CYFIP1: variants seen among roughly 807,000 people sequenced by gnomAD.
CYFIP1 encodes cytoplasmic FMR1-interacting protein 1.
In CYFIP1, 58 loss-of-function variants were observed where a neutral mutation model predicts 163.5. The observed-to-expected ratio is 0.35, with a 90% CI of 0.29 to 0.44. The LOEUF is 0.44. CYFIP1 is among the 20% of genes least tolerant of loss of function. The probability of loss-of-function intolerance (pLI) is 1.00; values close to 1 mark genes in which losing one functional copy is unlikely to be tolerated. For synonymous variants in CYFIP1, 663 were observed against 660.7 expected, an observed-to-expected ratio of 1.00 and a Z score of -0.05; for missense variants, 1,338 against 1,653.8, an observed-to-expected ratio of 0.81 and a Z score of 3.31.
At position 22,890,202 on chromosome 15, in the gene CYFIP1, T is replaced by C. The variant is rs529440274; in HGVS notation, c.2676+2688A>G. Among the ~76,000 whole-genome samples, 5 of 150,646 alleles carry C rather than the reference T, an allele frequency of 3.3e-5. No individual in the cohort carries two copies. In the East Asian group the frequency reaches 5.9e-4, roughly 18 times the overall value. ...TGGCAGGCGCCTTTAATCCCAGCTATTTGGGAGGCTGAGGCAGGAGAATTG... is the reference window on the plus strand; with the variant it reads ...TGGCAGGCGCCTTTAATCCCAGCTACTTGGGAGGCTGAGGCAGGAGAATTG... On this transcript the variant is annotated intron_variant, in intron 23 of 30. Coordinates refer to ENST00000617928, the MANE Select transcript of CYFIP1 (RefSeq NM_014608.6).
chr15:22,946,421 A>T (rs1449468363), intron 3 of CYFIP1, among the ~76,000 whole-genome samples: 1 of 152,110 alleles, frequency 6.6e-6, no homozygotes, highest in Non-Finnish European at 1.5e-5. Flanking sequence ...TGGGCAGATC[A>T]CTTGAGGTCA....
At chr15:22,927,242 G>A (rs2061383781) in intron 12 of CYFIP1, among the ~76,000 whole-genome samples, 1 of 152,052 alleles carries the variant, frequency 6.6e-6, no homozygotes, top group Non-Finnish European at 1.5e-5. Context: ...CACTTTGGGA[G>A]ACTGAGGCGG....
intron 13 of CYFIP1, among the ~76,000 whole-genome samples, chr15:22,921,621 G>C (rs2061180349): frequency 6.6e-6 from 1 of 151,814 alleles, no homozygotes; most frequent in Non-Finnish European, 1.5e-5. Context: ...TTCAAGACCA[G>C]CCAGGCCAAC....
chr15:22,894,147 G>A (rs1373912308), intron 22 of CYFIP1, among the ~76,000 whole-genome samples: 2 of 152,060 alleles, frequency 1.3e-5, no homozygotes, highest in South Asian at 4.2e-4. Context: ...CGGCACACAC[G>A]TCAGCCTCCG....
intron 23 of CYFIP1, among the ~76,000 whole-genome samples, chr15:22,887,238 C>T (rs2059949633): frequency 6.6e-6 from 1 of 152,090 alleles, no homozygotes; most frequent in South Asian, 2.1e-4. Flanking sequence ...TGAGACCCCC[C>T]AAAACAAAGA....
chr15:22,902,472 A>G (rs1250891908), intron 22 of CYFIP1, among the ~76,000 whole-genome samples: 2 of 152,236 alleles, frequency 1.3e-5, no homozygotes, highest in East Asian at 3.9e-4. Context: ...TGGGGAGTTC[A>G]CTCATTTTTC....
chr15:22,875,083 C>G (rs558370631), intron 27 of CYFIP1, 116 bp downstream of exon 27: 1 of 918,472 alleles, frequency 1.1e-6, no homozygotes, highest in East Asian at 2.4e-5. Context: ...CTGGGTATGA[C>G]TGAACAGGCG....
At chr15:22,962,054 G>A (rs868143835) in intron 1 of CYFIP1, among the ~76,000 whole-genome samples, 1 of 152,138 alleles carries the variant, frequency 6.6e-6, no homozygotes, top group African/African-American at 2.4e-5. Context: ...ACTATGGGAA[G>A]CCAAACAGCT....
At chr15:22,897,487 T>TG (rs200084500) in intron 22 of CYFIP1, among the ~76,000 whole-genome samples, 2,829 of 151,492 alleles carry the variant, frequency 0.019, 63 homozygotes, top group African/African-American at 0.054. Context: ...TGTTTTTTTT[T>TG]TTTGTTTGTG....
In CYFIP1 at chr15:22,903,533, G is replaced by A. The variant is rs1470305367; in HGVS notation, c.2588+173C>T. 3.9e-5 allele frequency among the ~76,000 whole-genome samples: 6 copies of A among 152,306 alleles called. No individual in the cohort carries two copies. In the East Asian group the frequency reaches 7.7e-4, roughly 20 times the overall value. ...TGACCATCCACCCGAGGGTAGACCC[G>A]AGGCTGCCTGTGCACACAGAAGACA... On this transcript the variant is annotated intron_variant, in intron 22 of 30. Transcript: ENST00000617928.
intron 22 of CYFIP1, among the ~76,000 whole-genome samples, chr15:22,898,091 A>T (rs2060288851): frequency 6.6e-6 from 1 of 152,056 alleles, no homozygotes; most frequent in African/African-American, 2.4e-5. Flanking sequence ...GTGCTTTCAG[A>T]TGGAAGTCAG....
intron 21 of CYFIP1, chr15:22,905,535 T>TCC: frequency 6.7e-6 from 1 of 149,864 alleles, no homozygotes; most frequent in South Asian, 2.1e-4. Flanking sequence ...AACTCCTGGG[T>TCC]TCAAGCGATT....
chr15:22,871,631 T>C (rs1392660962), intron 30 of CYFIP1, among the ~76,000 whole-genome samples: 1 of 152,236 alleles, frequency 6.6e-6, no homozygotes, highest in African/African-American at 2.4e-5. Context: ...GGAGAGTATC[T>C]GGGGTTGTCC....
chr15:22,876,695 G>A (rs528072055), intron 26 of CYFIP1, among the ~76,000 whole-genome samples: 3 of 152,162 alleles, frequency 2.0e-5, no homozygotes, highest in Admixed American at 6.5e-5. Flanking sequence ...GCCGGGTGTG[G>A]TGGCACATGC....
chr15:22,974,040 G>C (rs2063187540), intron 1 of CYFIP1, among the ~76,000 whole-genome samples: 1 of 152,158 alleles, frequency 6.6e-6, no homozygotes, highest in Non-Finnish European at 1.5e-5. Context: ...GTTGTCCAGG[G>C]TGTGGAGAAA....
intron 11 of CYFIP1, among the ~76,000 whole-genome samples, chr15:22,928,689 G>A (rs1248883584): frequency 6.6e-6 from 1 of 152,186 alleles, no homozygotes; most frequent in East Asian, 1.9e-4. Context: ...TGACCTATGG[G>A]GAGGAAGGGG....
At chr15:22,908,122 G>A (rs1285495851) in intron 21 of CYFIP1, among the ~76,000 whole-genome samples, 1 of 152,110 alleles carries the variant, frequency 6.6e-6, no homozygotes, top group Non-Finnish European at 1.5e-5. Flanking sequence ...TAGAGACACA[G>A]GGAAAAATGG....
chr15:22,870,327 G>T, intron 30 of CYFIP1, 135 bp from the exon 31 acceptor site: 1 of 1,070,246 alleles, frequency 9.3e-7, no homozygotes, highest in South Asian at 1.6e-5. Context: ...TGTTCTTTTT[G>T]GGTTTTTTTT....
intron 6 of CYFIP1, among the ~76,000 whole-genome samples, chr15:22,940,696 TAC>T (rs1234465886): frequency 6.6e-6 from 1 of 152,242 alleles, no homozygotes; most frequent in Non-Finnish European, 1.5e-5. Flanking sequence ...AATAATTGCA[TAC>T]AGTTAAACGT....
Sources: gnomAD v4.1 joint callset for allele counts (sites outside exome capture counted in the v4.1 genomes callset) on GRCh38, gnomAD v4.1.1 for gene constraint, MANE v1.5 for transcripts, NCBI Gene and HGNC (gene_info 2026-07-23, HGNC 2026-07-21) for gene names.